The following PTPN13 variants were observed in gnomAD, a reference collection of about 807,000 sequenced individuals.
PTPN13 encodes the protein protein tyrosine phosphatase non-receptor type 13.
A neutral mutation model predicts 284.0 loss-of-function variants in PTPN13; 191 were observed. The observed-to-expected ratio is 0.67, with a 90% CI of 0.60 to 0.76. The LOEUF (loss-of-function observed/expected upper bound fraction) is 0.76. PTPN13 is among the 30% of genes least tolerant of loss of function. The probability of loss-of-function intolerance (pLI) is 0.00; values close to 1 mark genes in which losing one functional copy is unlikely to be tolerated. For synonymous variants in PTPN13, 986 were observed against 1,022.3 expected, an observed-to-expected ratio of 0.96 and a Z score of 0.68; for missense variants, 2,797 against 2,939.9, an observed-to-expected ratio of 0.95 and a Z score of 1.12.
At chr4:86,796,795 ATAAC>A (rs1204216665) in intron 40 of PTPN13, 75 bp from the exon 41 acceptor site, 19 of 896,878 alleles carry the variant, frequency 2.1e-5, no homozygotes, top group East Asian at 8.0e-5. Flanking sequence ...AATATAGGAA[ATAAC>A]TAACAGGAAA....
At chr4:86,595,226 G>A (rs909672243) in intron 1 of PTPN13, among the ~76,000 whole-genome samples, 1 of 152,040 alleles carries the variant, frequency 6.6e-6, no homozygotes, top group Non-Finnish European at 1.5e-5. Flanking sequence ...TGTGGTTAGA[G>A]GCCGCCCAGA....
chr4:86,689,993 G>GT (rs1309303012), intron 5 of PTPN13: 1 of 368,516 alleles, frequency 2.7e-6, no homozygotes, highest in East Asian at 4.2e-5. Flanking sequence ...ATCGGTAGGG[G>GT]TTTAGTTCCC....
chr4:86,709,722 A>T (rs1395773986), intron 7 of PTPN13, among the ~76,000 whole-genome samples: 4 of 152,186 alleles, frequency 2.6e-5, no homozygotes, highest in Admixed American at 1.3e-4. Flanking sequence ...ATCCTTGAAG[A>T]TTCTGAAAGA....
At chr4:86,758,448 GT>G in intron 21 of PTPN13, 99 bp downstream of exon 21, 8 of 1,082,528 alleles carry the variant, frequency 7.4e-6, no homozygotes, top group Non-Finnish European at 1.1e-5. Context: ...CTCACTTCTG[GT>G]CTCAAGATAC....
intron 15 of PTPN13, among the ~76,000 whole-genome samples, chr4:86,736,629 A>T (rs1281415012): frequency 6.6e-6 from 1 of 152,218 alleles, no homozygotes; most frequent in African/African-American, 2.4e-5. Flanking sequence ...CTTAGTTATT[A>T]CATTTTTATA....
Position 86,672,471 on chromosome 4 carries a change from G to T in PTPN13, c.222G>T (p.Gln74His). The change falls in exon 3 of 48, where the codon CAG (glutamine) becomes CAT (histidine). Residue 74 changes from glutamine to histidine, a missense_variant. Transcript: ENST00000411767. ...TTACAGATGAAAATATTTCCAATCA[G>T]GATCTTCGAGCATTCACTGCACCAG... is the stretch of plus-strand genomic sequence containing the variant. ...VSFTDENISN[Q>H]DLRAFTAPEV... 6.2e-7 allele frequency: 1 copy of T among 1,600,462 alleles called. No individual in the cohort carries two copies. The highest frequency in any genetic ancestry group is 8.5e-7 in the Non-Finnish European group (1 of 1,172,938).
chr4:86,699,391 C>CAA (rs879562287), intron 6 of PTPN13, among the ~76,000 whole-genome samples: 1 of 139,992 alleles, frequency 7.1e-6, no homozygotes, highest in Non-Finnish European at 1.6e-5. Flanking sequence ...ATCCCCCCTC[C>CAA]AAAAAAAAAA....
intron 7 of PTPN13, among the ~76,000 whole-genome samples, chr4:86,714,506 C>T (rs1044582180): frequency 2.0e-5 from 3 of 152,038 alleles, no homozygotes; most frequent in Non-Finnish European, 4.4e-5. Context: ...TATTATCCAC[C>T]ACCTGAAATC....
chr4:86,769,694 A>G, intron 28 of PTPN13, 75 bp from the exon 29 acceptor site: 2 of 966,294 alleles, frequency 2.1e-6, no homozygotes, highest in South Asian at 1.7e-5. Context: ...GTCTAGAAGT[A>G]TATATGTTTG....
At chr4:86,693,060 T>G (rs1175044544) in intron 5 of PTPN13, among the ~76,000 whole-genome samples, 1 of 113,296 alleles carries the variant, frequency 8.8e-6, no homozygotes, top group Non-Finnish European at 1.8e-5. Flanking sequence ...AGAGTGAGAC[T>G]CCGTTATATT....
chr4:86,673,751 A>G (rs535256228), intron 3 of PTPN13, among the ~76,000 whole-genome samples: 1 of 152,324 alleles, frequency 6.6e-6, no homozygotes, highest in Admixed American at 6.5e-5. Flanking sequence ...TTCTTTGCCC[A>G]GGCTGGAGTG....
rs752418670 is a variant in PTPN13 at position 86,759,021 on chromosome 4, A to G, written c.3501A>G (p.Ala1167=). 3.7e-6 allele frequency: 6 copies of G among 1,613,608 alleles called. No individual in the cohort carries two copies. Among genetic ancestry groups the G allele is most frequent in the South Asian group, 3.3e-5 (3 of 91,082 alleles). Residue 1167 remains alanine (A), a synonymous_variant, in exon 23 of 48, where the codon GCA becomes GCG. Transcript: ENST00000411767. ...CTGCAATTGAAATTTTGCAAAATGC[A>G]CCTGAAGATGTGACACTTGTTATCT... ...HHAAIEILQN[A]PEDVTLVISQ...
chr4:86,701,219 T>A, intron 6 of PTPN13, 22 bp from the exon 7 acceptor site: 1 of 1,499,656 alleles, frequency 6.7e-7, no homozygotes, highest in Non-Finnish European at 9.0e-7. Context: ...TGTGCATACA[T>A]GATAGATTCT....
intron 40 of PTPN13, among the ~76,000 whole-genome samples, chr4:86,787,293 T>C (rs546784874): frequency 2.7e-4 from 41 of 152,208 alleles, no homozygotes; most frequent in African/African-American, 9.6e-4. Context: ...AACAGAATCT[T>C]CAAAACTGTT....
At chr4:86,648,527 G>T (rs1264558164) in intron 2 of PTPN13, among the ~76,000 whole-genome samples, 1 of 152,020 alleles carries the variant, frequency 6.6e-6, no homozygotes, top group African/African-American at 2.4e-5. Flanking sequence ...ATGTGCTCCC[G>T]TTCCATCCAT....
rs1432850957 is a variant in PTPN13, at chr4:86,802,838, A to T, written c.6506-871A>T. On this transcript the variant is annotated intron_variant, in intron 42 of 47. Coordinates refer to ENST00000411767, the MANE Select transcript of PTPN13 (RefSeq NM_080683.3). ...TGGAATCCCAACACTTTGGGAGGCCAAGGCAGGTGGATCGCTTGAGCCCAG... is the reference window on the plus strand; with the variant it reads ...TGGAATCCCAACACTTTGGGAGGCCTAGGCAGGTGGATCGCTTGAGCCCAG... Among the ~76,000 whole-genome samples, 16 of 152,290 alleles carry T rather than the reference A, an allele frequency of 1.1e-4. No homozygotes were observed. The South Asian group carries it at 3.3e-3, about 32-fold the overall frequency.
intron 6 of PTPN13, among the ~76,000 whole-genome samples, chr4:86,696,837 A>G (rs1247183695): frequency 6.6e-6 from 1 of 151,984 alleles, no homozygotes; most frequent in Non-Finnish European, 1.5e-5. Context: ...TTTTTAGTAG[A>G]GTTAAAGGTC....
At chr4:86,774,003 T>C (rs1341686096) in intron 32 of PTPN13, among the ~76,000 whole-genome samples, 2 of 152,128 alleles carry the variant, frequency 1.3e-5, no homozygotes, top group Admixed American at 6.5e-5. Flanking sequence ...TTTAGAAATA[T>C]ATGAATTTTT....
intron 41 of PTPN13, among the ~76,000 whole-genome samples, chr4:86,798,610 A>G (rs1457177398): frequency 1.3e-5 from 2 of 152,212 alleles, no homozygotes; most frequent in Non-Finnish European, 2.9e-5. Flanking sequence ...CAAAATATTG[A>G]GAACTTGTAC....
Sources: allele counts gnomAD v4.1 joint callset (sites outside exome capture counted in the v4.1 genomes callset), GRCh38; gene constraint gnomAD v4.1.1; transcripts MANE v1.5; gene names NCBI Gene and HGNC (gene_info 2026-07-23, HGNC 2026-07-21).